Variants in APBB2 observed in about 807,000 individuals in gnomAD.
APBB2 encodes the protein amyloid beta precursor protein binding family B member 2.
A neutral mutation model predicts 82.5 loss-of-function variants in APBB2; 38 were observed. That is an observed-to-expected ratio of 0.46 (90% CI 0.36 to 0.60). APBB2 has a LOEUF of 0.60. Ranked by LOEUF, APBB2 falls within the 20% of genes least tolerant of loss-of-function variation. The pLI, the probability that APBB2 is intolerant of heterozygous loss-of-function variation, is 0.00. For missense variants in APBB2, 772 were observed against 972.3 expected (o/e 0.79, Z 2.74); for synonymous variants, 341 against 368.2 (o/e 0.93, Z 0.85).
chr4:41,024,992 A>G (rs1168903174), intron 5 of APBB2, among the ~76,000 whole-genome samples: 2 of 152,160 alleles, frequency 1.3e-5, no homozygotes, highest in East Asian at 1.9e-4. Flanking sequence ...GCCACTGTAA[A>G]CTTGTTTCAG....
intron 1 of APBB2, among the ~76,000 whole-genome samples, chr4:41,145,782 G>C (rs566416041): frequency 1.3e-5 from 2 of 152,212 alleles, no homozygotes; most frequent in Non-Finnish European, 2.9e-5. Context: ...ACCTGTGAGA[G>C]ACAGGAAAGA....
At chr4:40,835,130 G>T (rs1753431280) in intron 12 of APBB2, among the ~76,000 whole-genome samples, 2 of 152,120 alleles carry the variant, frequency 1.3e-5, no homozygotes, top group Admixed American at 6.5e-5. Flanking sequence ...CAAAAACTTA[G>T]CCGGGCGTGG....
rs1226718332 is a variant in APBB2, at chr4:40,811,093, CATTG to C, written c.*4995_*4998del. On this transcript the variant is annotated 3_prime_UTR_variant, in exon 18 of 18. Transcript: ENST00000508593. ...TGAAGTCACAATTTGTTGCCACTTA[CATTG>C]ATTATCTCCTAACATGCATTTGGCA... is the stretch of plus-strand genomic sequence containing the variant. The C allele has an allele frequency of 1.3e-5, 2 of 151,810 alleles. No individual in the cohort carries two copies. Among genetic ancestry groups the C allele is most frequent in the African/African-American group, 4.9e-5 (2 of 41,052 alleles). The allele number at this position is 151,810 out of a possible 1,614,324, so 9.4% of individuals were successfully genotyped here.
intron 6 of APBB2, among the ~76,000 whole-genome samples, chr4:40,996,366 C>T (rs1803636491): frequency 6.6e-6 from 1 of 152,124 alleles, no homozygotes; most frequent in African/African-American, 2.4e-5. Flanking sequence ...CTGTTTAAGC[C>T]ACCCATGTTT....
intron 1 of APBB2, among the ~76,000 whole-genome samples, chr4:41,180,685 G>A (rs1560969757): frequency 6.6e-6 from 1 of 151,994 alleles, no homozygotes; most frequent in Non-Finnish European, 1.5e-5. Flanking sequence ...CAGTAAATGT[G>A]GGCACATGTT....
chr4:41,114,561 AT>A (rs1378622215), intron 2 of APBB2, among the ~76,000 whole-genome samples: 1 of 152,226 alleles, frequency 6.6e-6, no homozygotes, highest in East Asian at 1.9e-4. Flanking sequence ...ATGATTGTGT[AT>A]TTAGAAAGCC....
At chr4:41,126,441 CA>C (rs1304438525) in intron 2 of APBB2, among the ~76,000 whole-genome samples, 3 of 152,086 alleles carry the variant, frequency 2.0e-5, no homozygotes, top group African/African-American at 7.2e-5. Context: ...GACTAATGAA[CA>C]ACAGACAACA....
At chr4:41,123,504 C>T (rs932464304) in intron 2 of APBB2, among the ~76,000 whole-genome samples, 2 of 152,122 alleles carry the variant, frequency 1.3e-5, no homozygotes, top group African/African-American at 4.8e-5. Context: ...AAAACCAGCA[C>T]ACTGCACAGT....
At chr4:40,861,169 G>A (rs541130055) in intron 12 of APBB2, among the ~76,000 whole-genome samples, 1 of 152,006 alleles carries the variant, frequency 6.6e-6, no homozygotes, top group Non-Finnish European at 1.5e-5. Flanking sequence ...TGGCAAACAT[G>A]GTGGAACCCT....
chr4:40,942,117 A>G (rs1241964250), intron 7 of APBB2, among the ~76,000 whole-genome samples: 1 of 152,130 alleles, frequency 6.6e-6, no homozygotes, highest in Non-Finnish European at 1.5e-5. Context: ...CTTTGCCTCT[A>G]TGACTTATTT....
intron 6 of APBB2, among the ~76,000 whole-genome samples, chr4:41,001,323 A>C (rs986536230): frequency 6.6e-6 from 1 of 152,194 alleles, no homozygotes; most frequent in Non-Finnish European, 1.5e-5. Context: ...TAACCATCAC[A>C]TACACCATCA....
At chr4:40,892,511 A>C (rs559504069) in intron 11 of APBB2, 1 of 152,340 alleles carries the variant, frequency 6.6e-6, no homozygotes, top group South Asian at 2.1e-4. Context: ...CAATCAGCCC[A>C]ACCAAAAAGC....
intron 10 of APBB2, among the ~76,000 whole-genome samples, chr4:40,914,730 T>A (rs1453763218): frequency 6.6e-6 from 1 of 152,220 alleles, no homozygotes; most frequent in Middle Eastern, 3.2e-3. Flanking sequence ...TAATTCAGTG[T>A]TGCTGGTGAC....
At chr4:40,896,797 C>T (rs1773792255) in intron 10 of APBB2, among the ~76,000 whole-genome samples, 2 of 152,144 alleles carry the variant, frequency 1.3e-5, no homozygotes, top group South Asian at 4.1e-4. Context: ...ATATGATCAC[C>T]TCAGTCAAAA....
rs545485013 is a variant in APBB2 at position 40,866,961 on chromosome 4, G to A, written c.1529+23403C>T. The stretch of plus-strand genomic sequence containing the variant: ...TGCAGAGATGGGGTTTCACTATGTT[G>A]GTCAGGCTGGTCTCGAACTCCTGAC... On this transcript the variant is annotated intron_variant, in intron 12 of 17. Transcript: ENST00000508593. 3.3e-5 allele frequency among the ~76,000 whole-genome samples: 5 copies of A among 152,224 alleles called. No individual in the cohort carries two copies. In the South Asian group the frequency reaches 1.0e-3, roughly 32 times the overall value.
chr4:40,913,976 C>T (rs562106553), intron 10 of APBB2, among the ~76,000 whole-genome samples: 107 of 152,230 alleles, frequency 7.0e-4, no homozygotes, highest in Admixed American at 1.2e-3. Context: ...TGGCTCATGC[C>T]TGTAATCTCA....
At chr4:41,017,279 C>T in intron 5 of APBB2, among the ~76,000 whole-genome samples, 1 of 152,120 alleles carries the variant, frequency 6.6e-6, no homozygotes, top group East Asian at 1.9e-4. Flanking sequence ...CATGTGGAGG[C>T]AAAAGAAAAA....
chr4:41,182,374 T>C (rs74412918), intron 1 of APBB2, among the ~76,000 whole-genome samples: 7,717 of 152,294 alleles, frequency 0.051, 275 homozygotes, highest in Non-Finnish European at 0.073. Flanking sequence ...TTCTTGGTGA[T>C]CTCACCAAGG....
chr4:40,885,619 T>C (rs1169260202), intron 12 of APBB2, among the ~76,000 whole-genome samples: 1 of 152,258 alleles, frequency 6.6e-6, no homozygotes, highest in South Asian at 2.1e-4. Flanking sequence ...CCATTCATTA[T>C]GAAGAAATTT....
Sources: gnomAD v4.1 joint callset for allele counts (sites outside exome capture counted in the v4.1 genomes callset) on GRCh38, gnomAD v4.1.1 for gene constraint, MANE v1.5 for transcripts, NCBI Gene and HGNC (gene_info 2026-07-23, HGNC 2026-07-21) for gene names.